CNOT9: variants seen among roughly 807,000 people sequenced by gnomAD.
CNOT9 encodes the protein RCD1 required for cell differentiation1 homolog.
CNOT9 carries 8 observed loss-of-function variants against 37.4 expected under a neutral mutation model. The ratio of observed to expected loss-of-function variants is 0.21; its 90% CI spans 0.13 to 0.39. The LOEUF (loss-of-function observed/expected upper bound fraction) is 0.39, where lower values mean the gene tolerates loss of function less well. Ranked by LOEUF, CNOT9 falls within the 10% of genes least tolerant of loss-of-function variation. CNOT9 has a pLI of 1.00. For missense variants in CNOT9, 154 were observed against 365.3 expected (o/e 0.42, Z 4.71); for synonymous variants, 120 against 137.6 (o/e 0.87, Z 0.90).
chr2:218,593,278 T>C (rs1398968190), intron 7 of CNOT9, among the ~76,000 whole-genome samples: 1 of 152,212 alleles, frequency 6.6e-6, no homozygotes, highest in Non-Finnish European at 1.5e-5. Flanking sequence ...AATGGAGCAA[T>C]TTCTGTGTTC....
At chr2:218,569,704 C>A (rs577511089) in intron 1 of CNOT9, among the ~76,000 whole-genome samples, 1 of 152,204 alleles carries the variant, frequency 6.6e-6, no homozygotes, top group Non-Finnish European at 1.5e-5. Flanking sequence ...CCACCTAACC[C>A]TCTGCAACGC....
chr2:218,584,794 C>A, intron 4 of CNOT9, 73 bp downstream of exon 4: 1 of 1,090,840 alleles, frequency 9.2e-7, no homozygotes, highest in Non-Finnish European at 1.4e-6. Context: ...TTTGTCTTGC[C>A]GGTTATGATT....
Position 218,584,690 on chromosome 2 carries a change from G to C in CNOT9, c.399G>C (p.Glu133Asp). 6.2e-7 allele frequency: 1 copy of C among 1,613,430 alleles called. No homozygotes were observed. The highest frequency in any genetic ancestry group is 8.5e-7 in the Non-Finnish European group (1 of 1,179,406). The change falls in exon 4 of 8, where the codon GAG (glutamate) becomes GAC (aspartate). Residue 133 changes from glutamate (E) to aspartate (D), a missense_variant. Around this residue, in one of 2 missense-constraint regions of CNOT9, gnomAD observed 117 missense variants for 325.4 expected, o/e 0.36. Transcript: ENST00000273064. ...LHTVSKTRPF[E>D]YLRLTSLGVI... ...CTGTCAGCAAAACACGTCCCTTTGA[G>C]TATCTCCGGCTCACCAGCCTTGGAG... is the stretch of plus-strand genomic sequence containing the variant.
chr2:218,574,284 C>A, intron 1 of CNOT9: 1 of 180,314 alleles, frequency 5.5e-6, no homozygotes, highest in South Asian at 8.7e-5. Flanking sequence ...TAGCAGGTTA[C>A]AATTAATAAT....
In CNOT9 at chr2:218,580,615, AATGAGCT is replaced by A; in HGVS notation, c.80_86del (p.Asn27SerfsTer14). ...TAGAGAAAAGATCTATCAGTGGATC[AATGAGCT>A]GTCCAGTCCTGAGACTAGGGAAAAT... On this transcript the variant is annotated frameshift_variant, in exon 2 of 8. Transcript: ENST00000273064. LOFTEE classifies it high-confidence loss of function. 1 of 1,614,016 alleles carries A rather than the reference AATGAGCT, an allele frequency of 6.2e-7. No individual in the cohort carries two copies. The highest frequency in any genetic ancestry group is 8.5e-7 in the Non-Finnish European group (1 of 1,179,876).
chr2:218,571,816 C>T lies in CNOT9; in HGVS notation c.24+2838C>T, dbSNP rs190101576. On this transcript the variant is annotated intron_variant, in intron 1 of 7. Coordinates refer to ENST00000273064, the MANE Select transcript of CNOT9 (RefSeq NM_005444.3). ...GTCAGCCTGGTCTCGAACTCCTGAC[C>T]TCAGGTGATCTGCCCGCCTCAGCCC... 2.0e-3 allele frequency among the ~76,000 whole-genome samples: 291 copies of T among 148,776 alleles called. 1 individual carries two copies. The highest frequency in any genetic ancestry group is 7.0e-3 in the African/African-American group (283 of 40,326).
At chr2:218,590,546 A>G (rs138581884) in intron 5 of CNOT9, among the ~76,000 whole-genome samples, 1 of 152,324 alleles carries the variant, frequency 6.6e-6, no homozygotes, top group East Asian at 1.9e-4. Flanking sequence ...ACTGTTTTAT[A>G]GTTTTGGAAG....
intron 1 of CNOT9, among the ~76,000 whole-genome samples, chr2:218,579,491 G>T (rs537233382): frequency 6.6e-6 from 1 of 152,102 alleles, no homozygotes; most frequent in Non-Finnish European, 1.5e-5. Context: ...TTTGTTTTCT[G>T]CATTTTTGTT....
chr2:218,593,821 A>G (rs772527725), intron 7 of CNOT9: 74 of 1,240,280 alleles, frequency 6.0e-5, no homozygotes, highest in Non-Finnish European at 7.5e-5. Context: ...ACAGTATTTA[A>G]TAAATCAGAA....
Position 218,568,918 on chromosome 2 carries a change from C to A in CNOT9, c.-37C>A. 1.2e-6 allele frequency: 2 copies of A among 1,601,178 alleles called. No homozygotes were observed. The highest frequency in any genetic ancestry group is 8.5e-7 in the Non-Finnish European group (1 of 1,173,664). ...CTGAAGGGGGGACGCGGGTCGGACG[C>A]GTCCGGCTGTGGAAGAGAGCGGCGG... On this transcript the variant is annotated 5_prime_UTR_variant, in exon 1 of 8. Coordinates refer to ENST00000273064, the MANE Select transcript of CNOT9 (RefSeq NM_005444.3).
chr2:218,571,551 T>G (rs1693991300), intron 1 of CNOT9, among the ~76,000 whole-genome samples: 1 of 151,412 alleles, frequency 6.6e-6, no homozygotes, highest in African/African-American at 2.4e-5. Context: ...TAGAAATGTT[T>G]AGTGTAGTAG....
Position 218,594,149 on chromosome 2 carries a change from A to G in CNOT9, c.773A>G (p.Lys258Arg), listed in dbSNP as rs1362166553. The G allele has an allele frequency of 6.2e-7, 1 of 1,614,238 alleles. No homozygotes were observed. The highest frequency in any genetic ancestry group is 2.2e-5 in the East Asian group (1 of 44,882). Residue 258 changes from lysine (K) to arginine (R), a missense_variant, in exon 8 of 8, where the codon AAA becomes AGA. Lys to Arg is a conservative substitution (Grantham distance 26). Around this residue, in one of 2 missense-constraint regions of CNOT9, gnomAD observed 117 missense variants for 325.4 expected, o/e 0.36. Transcript: ENST00000273064. ...AGACAGTGCCTCCCTGACCAGCTGA[A>G]AGACACAACCTTCGCCCAGGTGCTA... ...ALRQCLPDQLKDTTFAQVLKD... is the reference protein window; with the variant it reads ...ALRQCLPDQLRDTTFAQVLKD...
rs775117375 is a variant in CNOT9, at chr2:218,583,119, T to C, written c.320+33T>C. Reference sequence around the variant, plus strand: ...CTTTGGGTGAGTCACTTGGGGGAGATATACATTGAATATGGTCCTAAACGT... The same window carrying C: ...CTTTGGGTGAGTCACTTGGGGGAGACATACATTGAATATGGTCCTAAACGT... On this transcript the variant is annotated intron_variant, in intron 3 of 7. Coordinates refer to ENST00000273064, the MANE Select transcript of CNOT9 (RefSeq NM_005444.3). The C allele has an allele frequency of 3.7e-6, 5 of 1,363,274 alleles. No individual in the cohort carries two copies. The South Asian group carries it at 5.8e-5, about 16-fold the overall frequency. 84.4% of individuals were successfully genotyped at this position (1,363,274 alleles called of 1,614,324 possible). A position where few individuals can be genotyped will look rare whatever the true frequency, so the allele number is the denominator to read the frequency against.
chr2:218,587,142 C>CA (rs1230832750), intron 4 of CNOT9, among the ~76,000 whole-genome samples: 1 of 146,888 alleles, frequency 6.8e-6, no homozygotes, highest in East Asian at 2.0e-4. Context: ...GTGCAGAAAG[C>CA]TTTTTTTTTT....
At chr2:218,587,508 C>A in intron 4 of CNOT9, 78 bp from the exon 5 acceptor site, 1 of 1,388,002 alleles carries the variant, frequency 7.2e-7, no homozygotes, top group Non-Finnish European at 9.4e-7. Context: ...TCACAACTCA[C>A]TGGATAAACA....
At chr2:218,569,925 A>G (rs531469853) in intron 1 of CNOT9, among the ~76,000 whole-genome samples, 22 of 152,252 alleles carry the variant, frequency 1.4e-4, no homozygotes, top group African/African-American at 5.3e-4. Flanking sequence ...TATCCTCTTC[A>G]AATTAGTTCC....
At chr2:218,593,572 G>T (rs929849348) in intron 7 of CNOT9, 3 of 1,501,740 alleles carry the variant, frequency 2.0e-6, no homozygotes, top group Admixed American at 4.1e-5. Flanking sequence ...CAAAGAAAAT[G>T]AAACGTTTAA....
Position 218,595,404 on chromosome 2 carries a change from C to CTTTTTTTTTTTTTTTTTT in CNOT9, c.*1139_*1156dup, listed in dbSNP as rs57839540. The CTTTTTTTTTTTTTTTTTT allele has an allele frequency of 7.9e-5, 4 of 50,942 alleles. 1 individual carries two copies. The highest frequency in any genetic ancestry group is 1.1e-3 in the East Asian group (1 of 944). The allele number at this position is 50,942 out of a possible 1,614,324, so 3.2% of individuals were successfully genotyped here. A position where few individuals can be genotyped will look rare whatever the true frequency, so the allele number is the denominator to read the frequency against. ...GAGGGCTGGGTTCTGCTCACTCAGT[C>CTTTTTTTTTTTTTTTTTT]TTTTTTTTTTTTTTTTTTTTTTTTT... On this transcript the variant is annotated 3_prime_UTR_variant, in exon 8 of 8. Transcript: ENST00000273064.
At chr2:218,574,592 G>A (rs6730089) in intron 1 of CNOT9, among the ~76,000 whole-genome samples, 2,311 of 152,298 alleles carry the variant, frequency 0.015, 46 homozygotes, top group African/African-American at 0.052. Context: ...TCATTCTGCT[G>A]TACACTGGCT....
Sources: allele counts gnomAD v4.1 joint callset (sites outside exome capture counted in the v4.1 genomes callset), GRCh38; gene constraint gnomAD v4.1.1; regional missense constraint gnomAD v4.1.1; transcripts MANE v1.5; gene names NCBI Gene and HGNC (gene_info 2026-07-23, HGNC 2026-07-21).